VAV3: variants seen among roughly 807,000 people sequenced by gnomAD.
VAV3 encodes guanine nucleotide exchange factor VAV3.
A neutral mutation model predicts 131.2 loss-of-function variants in VAV3; 94 were observed. The observed-to-expected ratio is 0.72, with a 90% CI of 0.61 to 0.85. The LOEUF (loss-of-function observed/expected upper bound fraction) is 0.85. Among genes scored for constraint, VAV3 ranks in the 40% least tolerant of loss-of-function variants. VAV3 has a pLI of 0.00. For synonymous variants in VAV3, 349 were observed against 342.0 expected (o/e 1.02, Z -0.22); for missense variants, 939 against 1,002.7 (o/e 0.94, Z 0.86).
intron 19 of VAV3, among the ~76,000 whole-genome samples, chr1:107,655,188 A>G (rs1397313376): frequency 6.6e-6 from 1 of 152,166 alleles, no homozygotes; most frequent in Non-Finnish European, 1.5e-5. Context: ...CAAATGGAAT[A>G]AAGCTGGAGA....
chr1:107,622,540 C>T (rs957647088), intron 20 of VAV3, among the ~76,000 whole-genome samples: 2 of 152,116 alleles, frequency 1.3e-5, no homozygotes, highest in African/African-American at 4.8e-5. Context: ...CTTAATACTA[C>T]CTGGATTGGA....
At chr1:107,951,088 A>T (rs1674510522) in intron 1 of VAV3, among the ~76,000 whole-genome samples, 1 of 151,256 alleles carries the variant, frequency 6.6e-6, no homozygotes, top group Admixed American at 6.6e-5. Flanking sequence ...TCCAGTACTA[A>T]TGTTATTAAG....
chr1:107,896,278 T>A (rs1671568318), intron 1 of VAV3, among the ~76,000 whole-genome samples: 1 of 152,170 alleles, frequency 6.6e-6, no homozygotes, highest in East Asian at 1.9e-4. Flanking sequence ...CAGACTTACT[T>A]TGAGCAAGTC....
chr1:107,857,880 G>C (rs1185666152), intron 2 of VAV3, among the ~76,000 whole-genome samples: 2 of 151,970 alleles, frequency 1.3e-5, no homozygotes, highest in African/African-American at 4.8e-5. Flanking sequence ...GTGGAAGAAA[G>C]GTATATGGAC....
chr1:107,661,257 GCT>G (rs140591317), intron 19 of VAV3, among the ~76,000 whole-genome samples: 3,017 of 152,218 alleles, frequency 0.02, 113 homozygotes, highest in African/African-American at 0.069. Context: ...TCACGGGGCA[GCT>G]CTGTGACATG....
intron 2 of VAV3, among the ~76,000 whole-genome samples, chr1:107,803,806 A>AT (rs563952383): frequency 3.9e-5 from 6 of 152,058 alleles, no homozygotes; most frequent in African/African-American, 7.2e-5. Context: ...TTCTTTGTTG[A>AT]TTTTTTTATC....
intron 2 of VAV3, among the ~76,000 whole-genome samples, chr1:107,822,638 G>A (rs1462409947): frequency 6.7e-6 from 1 of 150,192 alleles, no homozygotes; most frequent in Non-Finnish European, 1.5e-5. Flanking sequence ...CTGGGAGACA[G>A]CGAGACTCCA....
At chr1:107,592,115 A>G (rs1415705447) in intron 25 of VAV3, among the ~76,000 whole-genome samples, 2 of 152,054 alleles carry the variant, frequency 1.3e-5, no homozygotes, top group Non-Finnish European at 2.9e-5. Flanking sequence ...GATTCAATCC[A>G]AGACCACATG....
At chr1:107,742,527 G>A (rs1463660026) in intron 15 of VAV3, among the ~76,000 whole-genome samples, 2 of 152,140 alleles carry the variant, frequency 1.3e-5, no homozygotes, top group African/African-American at 4.8e-5. Flanking sequence ...AAGATAAATT[G>A]AGATTCCAAA....
chr1:107,728,277 G>A (rs1661975137), intron 15 of VAV3, among the ~76,000 whole-genome samples: 1 of 152,056 alleles, frequency 6.6e-6, no homozygotes, highest in African/African-American at 2.4e-5. Context: ...CACAAGATCT[G>A]TTCTAAATGA....
intron 1 of VAV3, among the ~76,000 whole-genome samples, chr1:107,928,353 A>G (rs948241659): frequency 1.3e-5 from 2 of 152,242 alleles, no homozygotes; most frequent in Non-Finnish European, 2.9e-5. Context: ...CCAGCCACAG[A>G]CAAACATCCA....
intron 1 of VAV3, among the ~76,000 whole-genome samples, chr1:107,943,231 G>C (rs1472811895): frequency 6.6e-6 from 1 of 152,034 alleles, no homozygotes; most frequent in East Asian, 1.9e-4. Context: ...ATGGGATATA[G>C]AGTGATGTTT....
At chr1:107,898,510 A>T (rs1671712945) in intron 1 of VAV3, among the ~76,000 whole-genome samples, 1 of 152,174 alleles carries the variant, frequency 6.6e-6, no homozygotes, top group African/African-American at 2.4e-5. Context: ...TCTCTTTATA[A>T]GTGCTCTGTT....
At chr1:107,805,139 G>C (rs935379237) in intron 2 of VAV3, among the ~76,000 whole-genome samples, 10 of 152,066 alleles carry the variant, frequency 6.6e-5, no homozygotes, top group Non-Finnish European at 1.5e-4. Context: ...TCTTGGTAAA[G>C]CCTTATTGGG....
At chr1:107,954,531 C>A (rs1017335891) in intron 1 of VAV3, among the ~76,000 whole-genome samples, 3 of 109,000 alleles carry the variant, frequency 2.8e-5, no homozygotes, top group African/African-American at 9.3e-5. Context: ...TATCCTGAGG[C>A]AAATTTTTTT....
At position 107,685,458 on chromosome 1, in the gene VAV3, T is replaced by C. The variant is rs547361296; in HGVS notation, c.1732-1925A>G. ...TATTAAGTGATAGATTATTAGCTTTTTGTTATTTTAAATGTTTAAATTCAC... is the reference window on the plus strand; with the variant it reads ...TATTAAGTGATAGATTATTAGCTTTCTGTTATTTTAAATGTTTAAATTCAC... On this transcript the variant is annotated intron_variant, in intron 18 of 26. Transcript: ENST00000370056. Among the ~76,000 whole-genome samples the C allele has an allele frequency of 3.3e-5, 5 of 152,332 alleles. No homozygotes were observed. The South Asian group carries it at 6.2e-4, about 19-fold the overall frequency.
intron 20 of VAV3, among the ~76,000 whole-genome samples, chr1:107,619,518 A>C (rs533855116): frequency 6.6e-6 from 1 of 152,270 alleles, no homozygotes; most frequent in African/African-American, 2.4e-5. Flanking sequence ...CTACAATGCT[A>C]CCTGAGTGCA....
At chr1:107,739,683 TATAC>T in intron 15 of VAV3, among the ~76,000 whole-genome samples, 1 of 152,148 alleles carries the variant, frequency 6.6e-6, no homozygotes, top group East Asian at 1.9e-4. Flanking sequence ...GGCTGACAAA[TATAC>T]AGACAGTTTA....
intron 15 of VAV3, among the ~76,000 whole-genome samples, chr1:107,728,037 T>A (rs756687372): frequency 6.6e-6 from 1 of 152,096 alleles, no homozygotes; most frequent in Non-Finnish European, 1.5e-5. Flanking sequence ...TATTCAGGAG[T>A]CAGGAGTGGC....
Sources: gnomAD v4.1 joint callset for allele counts (sites outside exome capture counted in the v4.1 genomes callset) on GRCh38, gnomAD v4.1.1 for gene constraint, MANE v1.5 for transcripts, NCBI Gene and HGNC (gene_info 2026-07-23, HGNC 2026-07-21) for gene names.